Variants in ALK observed in about 807,000 individuals in gnomAD.
The protein encoded by ALK is ALK receptor tyrosine kinase.
In ALK, 74 loss-of-function variants were observed where a neutral mutation model predicts 163.1. That is an observed-to-expected ratio of 0.45 (90% CI 0.38 to 0.55). The LOEUF (loss-of-function observed/expected upper bound fraction) is 0.55, where lower values mean the gene tolerates loss of function less well. Among genes scored for constraint, ALK ranks in the 20% least tolerant of loss-of-function variants. ALK has a pLI of 0.00. For missense variants in ALK, 2,063 were observed against 2,105.3 expected (o/e 0.98, Z 0.39); for synonymous variants, 960 against 843.2 (o/e 1.14, Z -2.40).
At chr2:29,524,088 G>A (rs969703829) in intron 4 of ALK, among the ~76,000 whole-genome samples, 1 of 152,072 alleles carries the variant, frequency 6.6e-6, no homozygotes, top group African/African-American at 2.4e-5. Flanking sequence ...TCATCGATTG[G>A]AGACTCTTCT....
intron 2 of ALK, among the ~76,000 whole-genome samples, chr2:29,705,143 G>A (rs1353973568): frequency 1.3e-5 from 2 of 149,154 alleles, no homozygotes; most frequent in South Asian, 2.1e-4. Context: ...GCTTGAACTC[G>A]GGAGGCAGAG....
At chr2:29,468,694 T>G (rs933433652) in intron 4 of ALK, among the ~76,000 whole-genome samples, 1 of 148,072 alleles carries the variant, frequency 6.8e-6, no homozygotes, top group Admixed American at 6.8e-5. Flanking sequence ...ACAAAAAATT[T>G]GAAAAAAAAT....
intron 8 of ALK, among the ~76,000 whole-genome samples, chr2:29,313,461 G>T (rs755668759): frequency 5.3e-5 from 8 of 152,092 alleles, no homozygotes; most frequent in Non-Finnish European, 1.2e-4. Flanking sequence ...AGAACTCTTT[G>T]TTTACACAAT....
chr2:29,216,688 G>T (rs202228338), intron 23 of ALK, among the ~76,000 whole-genome samples: 1 of 115,318 alleles, frequency 8.7e-6, no homozygotes, highest in African/African-American at 3.0e-5. Context: ...GTGTATATGT[G>T]GGGTGTATGG....
chr2:29,203,259 C>G (rs1437473283), intron 26 of ALK, among the ~76,000 whole-genome samples: 1 of 152,058 alleles, frequency 6.6e-6, no homozygotes, highest in Non-Finnish European at 1.5e-5. Context: ...GCAGCTCTGA[C>G]TATTTGTGGC....
chr2:29,252,213 C>T (rs943988291), intron 11 of ALK, among the ~76,000 whole-genome samples: 6 of 136,450 alleles, frequency 4.4e-5, no homozygotes, highest in African/African-American at 1.6e-4. Flanking sequence ...AACTTTCTAT[C>T]TTTGAGCCAG....
At chr2:29,680,504 C>T (rs1678031686) in intron 3 of ALK, among the ~76,000 whole-genome samples, 1 of 152,022 alleles carries the variant, frequency 6.6e-6, no homozygotes, top group African/African-American at 2.4e-5. Flanking sequence ...CTGCACTTTC[C>T]AACCCAAGAT....
chr2:29,610,217 G>A (rs183719289), intron 3 of ALK, among the ~76,000 whole-genome samples: 3 of 152,230 alleles, frequency 2.0e-5, no homozygotes, highest in Admixed American at 1.3e-4. Context: ...AGTACCAAGC[G>A]ACAGTTGCCA....
intron 4 of ALK, among the ~76,000 whole-genome samples, chr2:29,393,475 T>C (rs1669229394): frequency 6.6e-6 from 1 of 152,094 alleles, no homozygotes; most frequent in African/African-American, 2.4e-5. Flanking sequence ...GAGGAAGAAA[T>C]GTTAGACAGG....
chr2:29,636,025 C>T (rs1457149027), intron 3 of ALK, among the ~76,000 whole-genome samples: 3 of 152,046 alleles, frequency 2.0e-5, no homozygotes, highest in Non-Finnish European at 4.4e-5. Flanking sequence ...CTATCAGAAT[C>T]CCAGGAAGAT....
At chr2:29,216,956 T>TGTG (rs1669637087) in intron 23 of ALK, among the ~76,000 whole-genome samples, 1 of 37,124 alleles carries the variant, frequency 2.7e-5, no homozygotes, top group Non-Finnish European at 6.8e-5. Context: ...GCATGTGATG[T>TGTG]GTGTGTGGTG....
intron 1 of ALK, among the ~76,000 whole-genome samples, chr2:29,723,261 C>G (rs1260609334): frequency 1.3e-5 from 2 of 152,182 alleles, no homozygotes; most frequent in Non-Finnish European, 2.9e-5. Context: ...AGCACATTCC[C>G]ACCCCAGGGC....
chr2:29,571,602 CTTTTTTTTTTTTTTTTT>C (rs60429543), intron 3 of ALK, among the ~76,000 whole-genome samples: 35 of 68,524 alleles, frequency 5.1e-4, no homozygotes, highest in South Asian at 4.1e-3. Context: ...TGGCTCATAT[CTTTTTTTTTTTTTTTTT>C]TTTTTTTTTT....
In ALK at chr2:29,315,162, G is replaced by C. The variant is rs559095719; in HGVS notation, c.1647+3142C>G. On this transcript the variant is annotated intron_variant, in intron 8 of 28. Transcript: ENST00000389048. ...CAGCGTTCTTTCTTGTTTGTGGCTG[G>C]GCGAGGCAGAGGTCTTTAAATATTC... Among the ~76,000 whole-genome samples the C allele has an allele frequency of 4.7e-3, 715 of 151,864 alleles. 2 individuals carry two copies. Among genetic ancestry groups the C allele is most frequent in the Non-Finnish European group, 7.4e-3 (500 of 68,020 alleles).
chr2:29,465,818 A>G (rs189921792), intron 4 of ALK, among the ~76,000 whole-genome samples: 1 of 152,368 alleles, frequency 6.6e-6, no homozygotes, highest in East Asian at 1.9e-4. Context: ...ATTTAGGCAA[A>G]TTAAAAAACA....
chr2:29,660,142 C>T (rs557789654), intron 3 of ALK, among the ~76,000 whole-genome samples: 11 of 152,238 alleles, frequency 7.2e-5, no homozygotes, highest in Admixed American at 2.0e-4. Context: ...CTGTCCAGCA[C>T]GGTCCTTCTG....
rs149059852 is a variant in ALK, at chr2:29,400,719, G to T, written c.1155-16860C>A. 4.0e-3 allele frequency among the ~76,000 whole-genome samples: 612 copies of T among 152,244 alleles called. 3 individuals are homozygous for T. The highest frequency in any genetic ancestry group is 0.014 in the African/African-American group (586 of 41,534). On this transcript the variant is annotated intron_variant, in intron 4 of 28. Transcript: ENST00000389048. ...GCTGGGTGTGGTGGCTCACGCCTGT[G>T]GTCCGGGTACCTTGGGATGCTGAGA...
intron 5 of ALK, among the ~76,000 whole-genome samples, chr2:29,377,546 C>T (rs1454537605): frequency 6.6e-6 from 1 of 151,548 alleles, no homozygotes. Context: ...TTTCATGAAG[C>T]CCCATTGAGG....
chr2:29,372,212 G>T (rs1040743687), intron 5 of ALK, among the ~76,000 whole-genome samples: 2 of 152,108 alleles, frequency 1.3e-5, no homozygotes, highest in African/African-American at 4.8e-5. Context: ...CCCACCTGTT[G>T]GTACCTCTCA....
Sources: allele counts gnomAD v4.1 joint callset (sites outside exome capture counted in the v4.1 genomes callset), GRCh38; gene constraint gnomAD v4.1.1; transcripts MANE v1.5; gene names NCBI Gene and HGNC (gene_info 2026-07-23, HGNC 2026-07-21).